HS6ST3: variants seen among roughly 807,000 people sequenced by gnomAD.
HS6ST3 encodes the protein heparan sulfate 6-O-sulfotransferase 3, also known as heparan-sulfate 6-O-sulfotransferase 3.
Under a neutral mutation model 36.7 loss-of-function variants are expected in HS6ST3, and 12 were observed. The observed-to-expected ratio is 0.33, with a 90% confidence interval of 0.21 to 0.53. The LOEUF is 0.53. Among genes scored for constraint, HS6ST3 ranks in the 20% least tolerant of loss-of-function variants. The probability of loss-of-function intolerance (pLI) is 0.95; values close to 1 mark genes in which losing one functional copy is unlikely to be tolerated. For synonymous variants in HS6ST3, 240 were observed against 257.5 expected, an observed-to-expected ratio of 0.93 and a Z score of 0.65; for missense variants, 584 against 640.9, an observed-to-expected ratio of 0.91 and a Z score of 0.96.
intron 1 of HS6ST3, among the ~76,000 whole-genome samples, chr13:96,330,970 C>T (rs1183254447): frequency 2.0e-5 from 3 of 151,960 alleles, no homozygotes; most frequent in Admixed American, 1.3e-4. Context: ...TCCAGTTGAT[C>T]GCATCGGCTC....
At chr13:96,660,671 T>A (rs1295294713) in intron 1 of HS6ST3, among the ~76,000 whole-genome samples, 3 of 152,138 alleles carry the variant, frequency 2.0e-5, no homozygotes, top group Non-Finnish European at 2.9e-5. Flanking sequence ...ACTCAAAGAA[T>A]TCTATTAATA....
chr13:96,341,235 A>G (rs1233042599), intron 1 of HS6ST3, among the ~76,000 whole-genome samples: 1 of 152,096 alleles, frequency 6.6e-6, no homozygotes, highest in Admixed American at 6.5e-5. Context: ...TCAAATAAAG[A>G]CTTACTCCAA....
intron 1 of HS6ST3, among the ~76,000 whole-genome samples, chr13:96,792,217 C>T (rs986714176): frequency 6.6e-6 from 1 of 151,988 alleles, no homozygotes; most frequent in Non-Finnish European, 1.5e-5. Context: ...CATGGTTTCA[C>T]AGCAAGATTG....
chr13:96,619,199 G>A (rs773901749), intron 1 of HS6ST3, among the ~76,000 whole-genome samples: 22 of 152,286 alleles, frequency 1.4e-4, no homozygotes, highest in Admixed American at 2.6e-4. Context: ...TTTCAAAGAA[G>A]CATGAATAGA....
At chr13:96,427,594 C>T (rs2055593552) in intron 1 of HS6ST3, among the ~76,000 whole-genome samples, 2 of 152,134 alleles carry the variant, frequency 1.3e-5, no homozygotes, top group Middle Eastern at 6.8e-3. Flanking sequence ...ATTACAAAAA[C>T]ATTACAAAGA....
chr13:96,239,644 G>A (rs2054550933), intron 1 of HS6ST3, among the ~76,000 whole-genome samples: 1 of 152,136 alleles, frequency 6.6e-6, no homozygotes, highest in Admixed American at 6.5e-5. Context: ...ATTACTGTGA[G>A]CATGCAGATA....
chr13:96,437,289 T>A (rs984401390), intron 1 of HS6ST3, among the ~76,000 whole-genome samples: 1 of 152,240 alleles, frequency 6.6e-6, no homozygotes, highest in Non-Finnish European at 1.5e-5. Flanking sequence ...CATTCTGCAC[T>A]GATGTCTTTC....
At chr13:96,305,403 T>C (rs1022311553) in intron 1 of HS6ST3, among the ~76,000 whole-genome samples, 1 of 152,214 alleles carries the variant, frequency 6.6e-6, no homozygotes, top group African/African-American at 2.4e-5. Context: ...ACATGTAAAA[T>C]GCATCATTTA....
chr13:96,453,078 G>GT (rs1319454573), intron 1 of HS6ST3, among the ~76,000 whole-genome samples: 1 of 151,408 alleles, frequency 6.6e-6, no homozygotes, highest in African/African-American at 2.4e-5. Flanking sequence ...ACAAGGATTT[G>GT]TGACACAGCT....
At chr13:96,308,144 C>T (rs2054922698) in intron 1 of HS6ST3, among the ~76,000 whole-genome samples, 1 of 152,008 alleles carries the variant, frequency 6.6e-6, no homozygotes, top group Admixed American at 6.6e-5. Context: ...AATAGTTATT[C>T]TTATATTTAG....
At chr13:96,555,938 T>G (rs1184967500) in intron 1 of HS6ST3, among the ~76,000 whole-genome samples, 1 of 152,228 alleles carries the variant, frequency 6.6e-6, no homozygotes, top group Non-Finnish European at 1.5e-5. Flanking sequence ...CAATAAATTC[T>G]GGACTTTTTA....
At chr13:96,779,963 G>A (rs1594858408) in intron 1 of HS6ST3, among the ~76,000 whole-genome samples, 1 of 152,124 alleles carries the variant, frequency 6.6e-6, no homozygotes, top group South Asian at 2.1e-4. Flanking sequence ...ATTTTTAAAA[G>A]CCTTGGCTTG....
intron 1 of HS6ST3, among the ~76,000 whole-genome samples, chr13:96,634,856 A>C (rs1003127182): frequency 4.6e-5 from 4 of 87,442 alleles, no homozygotes; most frequent in Non-Finnish European, 1.0e-4. Flanking sequence ...ATCTACTCCC[A>C]AGGATTGTTT....
At chr13:96,627,289 C>G (rs1594821687) in intron 1 of HS6ST3, among the ~76,000 whole-genome samples, 2 of 151,978 alleles carry the variant, frequency 1.3e-5, no homozygotes, top group East Asian at 3.9e-4. Context: ...CGTAAACGAT[C>G]AAGTTTTTCT....
intron 1 of HS6ST3, among the ~76,000 whole-genome samples, chr13:96,777,539 CA>C: frequency 6.6e-6 from 1 of 152,212 alleles, no homozygotes; most frequent in South Asian, 2.1e-4. Flanking sequence ...CAATAACGAA[CA>C]GAGAGCCAAA....
At chr13:96,239,373 T>C (rs1028238627) in intron 1 of HS6ST3, among the ~76,000 whole-genome samples, 2 of 152,222 alleles carry the variant, frequency 1.3e-5, no homozygotes, top group African/African-American at 4.8e-5. Flanking sequence ...CATCCCTTCA[T>C]CTGGCTCTAT....
At chr13:96,560,927 G>A (rs900459235) in intron 1 of HS6ST3, among the ~76,000 whole-genome samples, 11 of 152,100 alleles carry the variant, frequency 7.2e-5, no homozygotes, top group Non-Finnish European at 1.2e-4. Context: ...GTCATGGATT[G>A]GAAGAACCAA....
intron 1 of HS6ST3, among the ~76,000 whole-genome samples, chr13:96,298,844 A>G (rs956676172): frequency 2.6e-5 from 4 of 152,212 alleles, no homozygotes; most frequent in South Asian, 2.1e-4. Flanking sequence ...TACCAAATAC[A>G]TGGAATTAAG....
chr13:96,681,631 T>C (rs115022498), intron 1 of HS6ST3, among the ~76,000 whole-genome samples: 30 of 152,272 alleles, frequency 2.0e-4, no homozygotes, highest in African/African-American at 7.2e-4. Context: ...TCAGAGGAAA[T>C]CTGATTTAAA....
Sources: allele counts gnomAD v4.1 joint callset (sites outside exome capture counted in the v4.1 genomes callset), GRCh38; gene constraint gnomAD v4.1.1; transcripts MANE v1.5; gene names NCBI Gene and HGNC (gene_info 2026-07-23, HGNC 2026-07-21).